ZNF407: variants seen among roughly 807,000 people sequenced by gnomAD.
The protein encoded by ZNF407 is zinc finger protein 407.
In ZNF407, 17 loss-of-function variants were observed where a neutral mutation model predicts 131.2. That is an observed-to-expected ratio of 0.13 (90% confidence interval 0.09 to 0.19). The LOEUF is 0.19. Ranked by LOEUF, ZNF407 falls within the 10% of genes least tolerant of loss-of-function variation. ZNF407 has a pLI of 1.00. For missense variants in ZNF407, 2,681 were observed against 2,830.6 expected (o/e 0.95, Z 1.20); for synonymous variants, 1,156 against 1,062.0 (o/e 1.09, Z -1.72).
chr18:74,752,359 G>A (rs185017390), intron 3 of ZNF407, among the ~76,000 whole-genome samples: 1 of 152,262 alleles, frequency 6.6e-6, no homozygotes, highest in African/African-American at 2.4e-5. Flanking sequence ...CTTTTGCTGT[G>A]CAGAAGCTCT....
chr18:75,063,331 G>C lies in ZNF407; in HGVS notation c.5610G>C (p.Gln1870His), dbSNP rs1973661096. 1 of 1,613,178 alleles carries C rather than the reference G, an allele frequency of 6.2e-7. No individual in the cohort carries two copies. The highest frequency in any genetic ancestry group is 1.3e-5 in the African/African-American group (1 of 74,926). ...PEQVQQVIIF[Q>H]GYDGEFALDP... ...AGGTGCAGCAGGTCATCATCTTCCA[G>C]GGCTACGACGGGGAGTTTGCCCTGG... The change falls in exon 9 of 9, where the codon CAG (glutamine) becomes CAC (histidine). Residue 1870 changes from glutamine (Q) to histidine (H), a missense_variant. Gln to His is a conservative substitution (Grantham distance 24). Transcript: ENST00000299687. This position sits in a 1 kb window ranked among gnomAD's most constrained non-coding sequence, Gnocchi z 6.6.
intron 3 of ZNF407, among the ~76,000 whole-genome samples, chr18:74,743,765 A>G (rs1426906283): frequency 6.6e-6 from 1 of 152,148 alleles, no homozygotes; most frequent in African/African-American, 2.4e-5. Context: ...GTTGCTTCTA[A>G]AAGAATAGGT....
At chr18:74,785,855 A>G (rs72973366) in intron 4 of ZNF407, among the ~76,000 whole-genome samples, 24,497 of 151,682 alleles carry the variant, frequency 0.16, 2,280 homozygotes, top group Non-Finnish European at 0.21. Flanking sequence ...CACATGGCCC[A>G]CATGGCACAC....
chr18:74,687,222 C>G (rs1967116012), intron 3 of ZNF407, among the ~76,000 whole-genome samples: 1 of 152,110 alleles, frequency 6.6e-6, no homozygotes, highest in African/African-American at 2.4e-5. Flanking sequence ...ATGGTGTATA[C>G]TTGTAGTGCC....
intron 8 of ZNF407, among the ~76,000 whole-genome samples, chr18:75,054,004 G>T (rs2122272128): frequency 6.6e-6 from 1 of 152,324 alleles, no homozygotes; most frequent in Non-Finnish European, 1.5e-5. Context: ...AGGGATTTCT[G>T]CGGGTTTGGA....
At chr18:74,781,206 T>C (rs1026390961) in intron 3 of ZNF407, among the ~76,000 whole-genome samples, 4 of 152,186 alleles carry the variant, frequency 2.6e-5, no homozygotes, top group Non-Finnish European at 4.4e-5. Context: ...TCACTGTTAG[T>C]GTATCCAAGT....
intron 3 of ZNF407, among the ~76,000 whole-genome samples, chr18:74,704,755 C>T (rs892537576): frequency 2.0e-5 from 3 of 152,150 alleles, no homozygotes; most frequent in African/African-American, 7.2e-5. Context: ...ATTAGAAACA[C>T]TTAGTGTTTC....
intron 3 of ZNF407, among the ~76,000 whole-genome samples, chr18:74,700,427 A>G (rs770299610): frequency 1.3e-5 from 2 of 152,172 alleles, no homozygotes; most frequent in African/African-American, 2.4e-5. Flanking sequence ...GCTTTTCGCA[A>G]AGAGTATCAG....
chr18:74,903,842 T>C (rs1971560906), intron 7 of ZNF407, among the ~76,000 whole-genome samples: 1 of 152,204 alleles, frequency 6.6e-6, no homozygotes, highest in African/African-American at 2.4e-5. Flanking sequence ...CAATATTGAA[T>C]AGATTGAAAA....
At chr18:74,755,084 A>T (rs1000163483) in intron 3 of ZNF407, among the ~76,000 whole-genome samples, 3 of 152,050 alleles carry the variant, frequency 2.0e-5, no homozygotes, top group African/African-American at 7.2e-5. Flanking sequence ...TGTTGAATTG[A>T]TCCCTTTACC....
intron 1 of ZNF407, among the ~76,000 whole-genome samples, chr18:74,627,804 T>C (rs1308191676): frequency 6.7e-6 from 1 of 148,780 alleles, no homozygotes; most frequent in Admixed American, 6.7e-5. Context: ...CTTTCTCTCT[T>C]TCTCTCTTTC....
intron 3 of ZNF407, among the ~76,000 whole-genome samples, chr18:74,721,764 T>C (rs961029287): frequency 1.3e-5 from 2 of 152,208 alleles, no homozygotes; most frequent in Non-Finnish European, 2.9e-5. Flanking sequence ...TTGTACTCTT[T>C]ACCTTATGTG....
intron 4 of ZNF407, among the ~76,000 whole-genome samples, chr18:74,795,337 T>C (rs1437053447): frequency 6.6e-6 from 1 of 152,192 alleles, no homozygotes; most frequent in Non-Finnish European, 1.5e-5. Context: ...ATCTGGACAT[T>C]TATTTGTCAT....
chr18:75,033,558 G>C (rs1973271234), intron 8 of ZNF407, among the ~76,000 whole-genome samples: 1 of 152,184 alleles, frequency 6.6e-6, no homozygotes, highest in South Asian at 2.1e-4. Context: ...AAAGATGGAG[G>C]TGACGGTGGA....
chr18:75,033,519 G>A (rs956418839), intron 8 of ZNF407, among the ~76,000 whole-genome samples: 5 of 152,192 alleles, frequency 3.3e-5, no homozygotes, highest in East Asian at 1.9e-4. Flanking sequence ...TAGACACTCC[G>A]TCCCTTGTGG....
intron 8 of ZNF407, among the ~76,000 whole-genome samples, chr18:74,924,488 A>G (rs909455080): frequency 1.3e-5 from 2 of 152,202 alleles, no homozygotes; most frequent in Non-Finnish European, 1.5e-5. Flanking sequence ...TCTTCTATTT[A>G]GTAAAATCTA....
In ZNF407 at chr18:75,064,818, A is replaced by G. The variant is rs926790631; in HGVS notation, c.*350A>G. Reference sequence around the variant, plus strand: ...GTGTTGTTGGTGTTTTTCTCTCCCAAGTGTTTTCCCATTTCAGTTATCAGA... The same window carrying G: ...GTGTTGTTGGTGTTTTTCTCTCCCAGGTGTTTTCCCATTTCAGTTATCAGA... On this transcript the variant is annotated 3_prime_UTR_variant, in exon 9 of 9. Coordinates refer to ENST00000299687, the MANE Select transcript of ZNF407 (RefSeq NM_017757.3). 7 of 205,028 alleles carry G rather than the reference A, an allele frequency of 3.4e-5. No individual in the cohort carries two copies. The highest frequency in any genetic ancestry group is 6.8e-5 in the Non-Finnish European group (7 of 102,676). 12.7% of individuals were successfully genotyped at this position (205,028 alleles called of 1,614,324 possible).
intron 6 of ZNF407, among the ~76,000 whole-genome samples, chr18:74,885,404 T>C (rs1971295197): frequency 6.6e-6 from 1 of 152,226 alleles, no homozygotes; most frequent in African/African-American, 2.4e-5. Context: ...GACAATTTAA[T>C]ATTGTTAGGA....
rs777804251 is a variant in ZNF407, at chr18:74,631,996, C to G, written c.977C>G (p.Thr326Arg). ...AAAGGATTACGAAATGTGGGAAGCA[C>G]GTTTAAAGATTTCAGAGGAAGTATT... ...DSKGLRNVGS[T>R]FKDFRGSISK... is the part of the protein sequence containing the mutation. Residue 326 changes from threonine (T) to arginine (R), a missense_variant, in exon 2 of 9, where the codon ACG (threonine) becomes AGG (arginine). Around this residue, in one of 6 missense-constraint regions of ZNF407, gnomAD observed 1,789 missense variants for 1,748.7 expected, o/e 1.02. Transcript: ENST00000299687. 3.7e-6 allele frequency: 6 copies of G among 1,613,918 alleles called. No homozygotes were observed. The Admixed American group carries it at 5.0e-5, about 13-fold the overall frequency.
Sources: gnomAD v4.1 joint callset for allele counts (sites outside exome capture counted in the v4.1 genomes callset) on GRCh38, gnomAD v4.1.1 for gene constraint, gnomAD v4.1.1 regional missense constraint, Gnocchi (gnomAD v3.1) non-coding constraint, MANE v1.5 for transcripts, NCBI Gene and HGNC (gene_info 2026-07-23, HGNC 2026-07-21) for gene names.